CPVL: variants seen among roughly 807,000 people sequenced by gnomAD.
CPVL encodes carboxypeptidase vitellogenic like, also known as probable serine carboxypeptidase CPVL.
In CPVL, 51 loss-of-function variants were observed where a neutral mutation model predicts 63.7. The ratio of observed to expected loss-of-function variants is 0.80; its 90% CI spans 0.64 to 1.01. CPVL has a LOEUF of 1.01. Among genes scored for constraint, CPVL ranks in the 50% least tolerant of loss-of-function variants. The pLI, the probability that CPVL is intolerant of heterozygous loss-of-function variation, is 0.00. For synonymous variants in CPVL, 195 were observed against 206.0 expected, an observed-to-expected ratio of 0.95 and a Z score of 0.46; for missense variants, 530 against 573.1, an observed-to-expected ratio of 0.92 and a Z score of 0.77.
intron 5 of CPVL, among the ~76,000 whole-genome samples, chr7:29,093,153 A>T (rs962889079): frequency 5.9e-5 from 9 of 152,032 alleles, no homozygotes; most frequent in Non-Finnish European, 1.5e-5. Flanking sequence ...TGGGAGGCTG[A>T]GGCGGGCGGA....
At chr7:29,002,845 G>C (rs1454790718) in intron 12 of CPVL, among the ~76,000 whole-genome samples, 1 of 124,656 alleles carries the variant, frequency 8.0e-6, no homozygotes, top group Non-Finnish European at 1.7e-5. Flanking sequence ...CTGAAGCATG[G>C]AGAATAAAGG....
intron 1 of CPVL, among the ~76,000 whole-genome samples, chr7:29,139,141 A>G (rs1584376020): frequency 6.6e-6 from 1 of 152,228 alleles, no homozygotes; most frequent in East Asian, 1.9e-4. Context: ...GGCTCCCTAT[A>G]GTACATTACA....
At chr7:29,146,574 C>G (rs1253338036), upstream of CPVL, 10 of 1,547,802 alleles carry the variant, frequency 6.5e-6, no homozygotes, top group Non-Finnish European at 7.9e-6. Flanking sequence ...AAGCGCTCCT[C>G]TAGGCTCACA....
intron 5 of CPVL, among the ~76,000 whole-genome samples, chr7:29,175,148 C>T (rs1380313973): frequency 6.6e-6 from 1 of 151,336 alleles, no homozygotes; most frequent in Non-Finnish European, 1.5e-5. Flanking sequence ...GAATAAGTCT[C>T]ATGAGATGTG....
chr7:29,189,889 G>T (rs1407673566), intron 1 of CPVL, among the ~76,000 whole-genome samples: 1 of 152,180 alleles, frequency 6.6e-6, no homozygotes, highest in Non-Finnish European at 1.5e-5. Flanking sequence ...GTCGTGTGCC[G>T]CCACTAGGGG....
At chr7:29,084,174 C>T (rs972483285) in intron 7 of CPVL, among the ~76,000 whole-genome samples, 1 of 152,096 alleles carries the variant, frequency 6.6e-6, no homozygotes, top group Non-Finnish European at 1.5e-5. Flanking sequence ...TTCCCATTAC[C>T]GTTAGAATAA....
rs1584403726 is a variant in CPVL at position 29,146,432 on chromosome 7, G to A, written c.-14C>T. ...ACGCAGGGCAGGCGGCACTTACGCG[G>A]CGCAGTCGGTGCTCCTCCCTGAGCC... On this transcript the variant is annotated 5_prime_UTR_variant, in exon 1 of 13. Coordinates refer to ENST00000265394, the MANE Select transcript of CPVL (RefSeq NM_031311.5). 4.2e-6 allele frequency: 5 copies of A among 1,193,984 alleles called. No homozygotes were observed. In the African/African-American group the frequency reaches 6.2e-5, roughly 15 times the overall value. The allele number at this position is 1,193,984 out of a possible 1,614,324, so 74.0% of individuals were successfully genotyped here. A position where few individuals can be genotyped will look rare whatever the true frequency, so the allele number is the denominator to read the frequency against.
intron 9 of CPVL, among the ~76,000 whole-genome samples, 153 bp from the exon 10 acceptor site, chr7:29,066,274 GAC>G (rs1168127294): frequency 6.6e-6 from 1 of 152,198 alleles, no homozygotes; most frequent in East Asian, 1.9e-4. Flanking sequence ...CTCTGTGCTA[GAC>G]ACTGTCATGG....
Position 29,094,735 on chromosome 7 carries a change from C to T in CPVL, c.462+349G>A, listed in dbSNP as rs374084709. Among the ~76,000 whole-genome samples, 47 of 151,570 alleles carry T rather than the reference C, an allele frequency of 3.1e-4. 1 individual carries two copies. In the South Asian group the frequency reaches 8.8e-3, roughly 28 times the overall value. ...AAAATCAGCCAGGTGTGGTGGCACA[C>T]GCCTGTAATCCCAGCTACTTGGGAG... On this transcript the variant is annotated intron_variant, in intron 5 of 12. Coordinates refer to ENST00000265394, the MANE Select transcript of CPVL (RefSeq NM_031311.5).
intron 11 of CPVL, among the ~76,000 whole-genome samples, chr7:29,043,169 G>A (rs1789286792): frequency 6.6e-6 from 1 of 151,898 alleles, no homozygotes; most frequent in South Asian, 2.1e-4. Flanking sequence ...GTTAGTGGAA[G>A]GTTTCCAACC....
intron 12 of CPVL, among the ~76,000 whole-genome samples, chr7:29,008,004 A>G (rs545587174): frequency 6.6e-6 from 1 of 152,262 alleles, no homozygotes; most frequent in African/African-American, 2.4e-5. Flanking sequence ...ACAATAGGAG[A>G]TGTACGTAGA....
At chr7:29,080,013 A>G (rs1375912162) in intron 7 of CPVL, among the ~76,000 whole-genome samples, 2 of 152,120 alleles carry the variant, frequency 1.3e-5, no homozygotes, top group Non-Finnish European at 2.9e-5. Flanking sequence ...CAATAGACTG[A>G]GGAGAGGATG....
chr7:29,112,722 G>A lies in CPVL; in HGVS notation c.270C>T (p.Phe90=), dbSNP rs1222006090. ...VNKTYNSNLF[F]WFFPAQIQPE... ...CACCTACCTGAGCTGGGAAGAACCA[G>A]AAGAAGAGGTTGCTGTTGTAAGTCT... is the stretch of plus-strand genomic sequence containing the variant. The change falls in exon 3 of 13, where the codon TTC becomes TTT. Residue 90 remains phenylalanine, a synonymous_variant. Coordinates refer to ENST00000265394, the MANE Select transcript of CPVL (RefSeq NM_031311.5). 1 of 1,612,430 alleles carries A rather than the reference G, an allele frequency of 6.2e-7. No homozygotes were observed. The highest frequency in any genetic ancestry group is 1.7e-5 in the Admixed American group (1 of 59,990).
At chr7:29,072,534 T>C (rs1783853144) in intron 7 of CPVL, 111 bp from the exon 8 acceptor site, 5 of 1,213,348 alleles carry the variant, frequency 4.1e-6, no homozygotes, top group Middle Eastern at 4.0e-4. Context: ...ACATGAGGTA[T>C]ACCATCTGTT....
intron 3 of CPVL, among the ~76,000 whole-genome samples, chr7:29,104,838 A>G (rs1248192817): frequency 6.6e-6 from 1 of 152,196 alleles, no homozygotes; most frequent in Non-Finnish European, 1.5e-5. Flanking sequence ...TCTTGATGCA[A>G]AAGTTAGTTA....
At chr7:29,071,076 T>C (rs1225262467) in intron 9 of CPVL, among the ~76,000 whole-genome samples, 5 of 151,986 alleles carry the variant, frequency 3.3e-5, no homozygotes, top group African/African-American at 9.7e-5. Flanking sequence ...GGAGATTGTT[T>C]ACACATGGCT....
chr7:29,039,019 T>G (rs931821223), intron 11 of CPVL, among the ~76,000 whole-genome samples: 1 of 152,220 alleles, frequency 6.6e-6, no homozygotes, highest in East Asian at 1.9e-4. Context: ...GACCCCTGTC[T>G]TTCAAATGCT....
intron 2 of CPVL, among the ~76,000 whole-genome samples, chr7:29,119,103 T>C (rs1249892725): frequency 6.6e-6 from 1 of 152,232 alleles, no homozygotes; most frequent in African/African-American, 2.4e-5. Flanking sequence ...AATAGCTACC[T>C]GTCTACTGTT....
rs1348609827 is a variant in CPVL at position 29,191,022 on chromosome 7, A to C, written c.-448+4055T>G. 2.6e-5 allele frequency among the ~76,000 whole-genome samples: 4 copies of C among 151,834 alleles called. No homozygotes were observed. In the East Asian group the frequency reaches 7.7e-4, roughly 29 times the overall value. On this transcript the variant is annotated intron_variant, in intron 1 of 16. Transcript: ENST00000409850. ...TCAACAGAGCTCACTGCATCCTTGAACTTCTGGACTCAAGCAATTCTCCCC... is the reference window on the plus strand; with the variant it reads ...TCAACAGAGCTCACTGCATCCTTGACCTTCTGGACTCAAGCAATTCTCCCC...
Sources: allele counts gnomAD v4.1 joint callset (sites outside exome capture counted in the v4.1 genomes callset), GRCh38; gene constraint gnomAD v4.1.1; transcripts MANE v1.5; gene names NCBI Gene and HGNC (gene_info 2026-07-23, HGNC 2026-07-21).